The following ARHGAP30 variants were observed in gnomAD, a reference collection of about 807,000 sequenced individuals.
The protein encoded by ARHGAP30 is Rho GTPase activating protein 30.
In ARHGAP30, 23 loss-of-function variants were observed where a neutral mutation model predicts 72.0. The observed-to-expected ratio is 0.32, with a 90% CI of 0.23 to 0.45. The LOEUF (loss-of-function observed/expected upper bound fraction) is 0.45, where lower values mean the gene tolerates loss of function less well. Among genes scored for constraint, ARHGAP30 ranks in the 20% least tolerant of loss-of-function variants. The pLI is 1.00. For synonymous variants in ARHGAP30, 576 were observed against 528.2 expected (o/e 1.09, Z -1.24); for missense variants, 1,319 against 1,383.4 (o/e 0.95, Z 0.74).
intron 5 of ARHGAP30, among the ~76,000 whole-genome samples, chr1:161,054,027 C>A (rs951286677): frequency 6.6e-6 from 1 of 152,108 alleles, no homozygotes; most frequent in African/African-American, 2.4e-5. Flanking sequence ...GAGATCGCAC[C>A]GCTGCTCTCC....
At chr1:161,065,362 A>C (rs1652682029) in intron 1 of ARHGAP30, among the ~76,000 whole-genome samples, 1 of 152,276 alleles carries the variant, frequency 6.6e-6, no homozygotes, top group African/African-American at 2.4e-5. Flanking sequence ...CTGGGTGCTG[A>C]TCTTTCTCTT....
chr1:161,050,731 C>T (rs1651298122), intron 10 of ARHGAP30, among the ~76,000 whole-genome samples: 1 of 151,978 alleles, frequency 6.6e-6, no homozygotes, highest in South Asian at 2.1e-4. Flanking sequence ...GCCTCTGCCT[C>T]CTGGGTTCAA....
intron 1 of ARHGAP30, among the ~76,000 whole-genome samples, chr1:161,063,291 C>T (rs954546761): frequency 2.0e-5 from 3 of 152,192 alleles, no homozygotes; most frequent in South Asian, 2.1e-4. Context: ...ATGGAGGGAC[C>T]GGCTGAAGCC....
intron 9 of ARHGAP30, 74 bp from the exon 10 acceptor site, chr1:161,051,789 G>T: frequency 6.9e-7 from 1 of 1,458,620 alleles, no homozygotes; most frequent in Non-Finnish European, 9.0e-7. Context: ...AGAAGGCTCT[G>T]GAGAATGCTC....
intron 3 of ARHGAP30, among the ~76,000 whole-genome samples, chr1:161,055,057 A>G (rs1571090467): frequency 6.6e-6 from 1 of 152,006 alleles, no homozygotes; most frequent in Admixed American, 6.6e-5. Context: ...GCTGTCCCCC[A>G]CCCCAACCTA....
intron 1 of ARHGAP30, among the ~76,000 whole-genome samples, chr1:161,060,893 G>A (rs1185204659): frequency 2.6e-5 from 4 of 151,780 alleles, no homozygotes; most frequent in Admixed American, 2.0e-4. Context: ...TTTAGTAGAG[G>A]CAGGGTTTCA....
chr1:161,051,990 AC>A (rs1651415354), intron 9 of ARHGAP30, among the ~76,000 whole-genome samples: 6 of 15,248 alleles, frequency 3.9e-4, no homozygotes, highest in Non-Finnish European at 5.7e-4. Context: ...CACCACCACC[AC>A]CACCACCACC....
chr1:161,049,312 G>A lies in ARHGAP30; in HGVS notation c.1709C>T (p.Pro570Leu), dbSNP rs796212925. The A allele has an allele frequency of 1.2e-6, 2 of 1,613,678 alleles. No homozygotes were observed. The highest frequency in any genetic ancestry group is 1.7e-6 in the Non-Finnish European group (2 of 1,179,774). ...GPQVEEFSVEPPLDDLSLDEA... is the reference protein window; with the variant it reads ...GPQVEEFSVELPLDDLSLDEA... ...ATCCAGAGACAGGTCATCCAGGGGTGGCTCCACAGAGAACTCCTCCACCTG... is the reference window on the plus strand; with the variant it reads ...ATCCAGAGACAGGTCATCCAGGGGTAGCTCCACAGAGAACTCCTCCACCTG... The change falls in exon 12 of 12, where the codon CCA becomes CTA. Residue 570 changes from proline to leucine, a missense_variant. Pro to Leu is a moderately conservative substitution (Grantham distance 98). Transcript: ENST00000368013.
intron 1 of ARHGAP30, among the ~76,000 whole-genome samples, chr1:161,064,966 A>G (rs1423372514): frequency 1.3e-5 from 2 of 151,788 alleles, no homozygotes; most frequent in African/African-American, 4.8e-5. Context: ...GGGAAGGGGG[A>G]AAAAGCTGTG....
chr1:161,056,373 G>A lies in ARHGAP30; in HGVS notation c.345+15C>T, dbSNP rs374870606. 5.0e-5 allele frequency: 81 copies of A among 1,612,074 alleles called. No individual in the cohort carries two copies. Among genetic ancestry groups the A allele is most frequent in the South Asian group, 4.0e-4 (36 of 90,808 alleles). ...CCCTGAGCCCTGTCTTCCACCCCTC[G>A]GCCTCTCAACTCACAGCAAACTTGT... On this transcript the variant is annotated intron_variant, in intron 3 of 11. Transcript: ENST00000368013.
chr1:161,063,809 C>G (rs182735802), intron 1 of ARHGAP30, among the ~76,000 whole-genome samples: 25 of 152,148 alleles, frequency 1.6e-4, no homozygotes, highest in Non-Finnish European at 2.6e-4. Flanking sequence ...AACGCCCCCC[C>G]CACCGGGGCG....
Position 161,049,408 on chromosome 1 carries a change from G to C in ARHGAP30, c.1686+16C>G. On this transcript the variant is annotated intron_variant, in intron 11 of 11. Coordinates refer to ENST00000368013, the MANE Select transcript of ARHGAP30 (RefSeq NM_001025598.2). ...TGACTCCATGCCACCCCCAAACCCA[G>C]CACGGCTCTCCTTACCTGAGGCCCA... The C allele has an allele frequency of 6.2e-7, 1 of 1,601,976 alleles. No individual in the cohort carries two copies. Among genetic ancestry groups the C allele is most frequent in the Non-Finnish European group, 8.5e-7 (1 of 1,173,176 alleles).
rs1557914636 is a variant in ARHGAP30 at position 161,048,598 on chromosome 1, T to G, written c.2423A>C (p.His808Pro). ...ATCTCCTTGGTCTTTTCTTGCTTCA[T>G]GGTACCCCTTCTCCCTCTGTCCTTT... The part of the protein sequence containing the change: ...EDKGQREKGY[H>P]EARKDQGDGE... The change falls in exon 12 of 12, where the codon CAT (histidine) becomes CCT (proline). Residue 808 changes from histidine to proline, a missense_variant. Transcript: ENST00000368013. 6.2e-7 allele frequency: 1 copy of G among 1,614,138 alleles called. No homozygotes were observed. Among genetic ancestry groups the G allele is most frequent in the Admixed American group, 1.7e-5 (1 of 60,014 alleles).
intron 2 of ARHGAP30, among the ~76,000 whole-genome samples, chr1:161,059,346 T>G (rs200127634): frequency 3.0e-5 from 4 of 133,524 alleles, no homozygotes; most frequent in African/African-American, 9.9e-5. Flanking sequence ...TTTTTTTTTT[T>G]TTTTTTTAAG....
chr1:161,059,864 C>A, intron 1 of ARHGAP30, 148 bp from the exon 2 acceptor site: 1 of 650,646 alleles, frequency 1.5e-6, no homozygotes, highest in South Asian at 2.0e-5. Flanking sequence ...TACAGATCAT[C>A]AGCTTCAACC....
At chr1:161,060,277 AAAAAAG>A in intron 1 of ARHGAP30, 1 of 420,826 alleles carries the variant, frequency 2.4e-6, no homozygotes. Flanking sequence ...TTCAAAAAAA[AAAAAAG>A]AAAGAGAAAG....
chr1:161,051,236 G>A, intron 10 of ARHGAP30, 78 bp downstream of exon 10: 4 of 1,502,566 alleles, frequency 2.7e-6, no homozygotes, highest in Non-Finnish European at 3.5e-6. Context: ...CCTTCCTAGG[G>A]TGGATCTTCC....
intron 3 of ARHGAP30, 113 bp from the exon 4 acceptor site, chr1:161,054,818 C>A: frequency 2.3e-6 from 2 of 881,856 alleles, no homozygotes; most frequent in Non-Finnish European, 3.7e-6. Context: ...CTCTGTGCTA[C>A]CCCATCCTAC....
chr1:161,059,506 C>T, intron 2 of ARHGAP30, 108 bp downstream of exon 2: 1 of 905,730 alleles, frequency 1.1e-6, no homozygotes, highest in Non-Finnish European at 1.7e-6. Flanking sequence ...GTTTCCTTCT[C>T]CCCACTGCCT....
Sources: allele counts gnomAD v4.1 joint callset (sites outside exome capture counted in the v4.1 genomes callset), GRCh38; gene constraint gnomAD v4.1.1; transcripts MANE v1.5; gene names NCBI Gene and HGNC (gene_info 2026-07-23, HGNC 2026-07-21).